SAMD5: variants seen among roughly 807,000 people sequenced by gnomAD.
SAMD5 encodes sterile alpha motif domain containing 5.
SAMD5 carries 13 observed loss-of-function variants against 11.3 expected under a neutral mutation model. The observed-to-expected ratio is 1.15, with a 90% CI of 0.75 to 1.83. The LOEUF (loss-of-function observed/expected upper bound fraction) is 1.83. Ranked by LOEUF, SAMD5 falls within the 40% of genes most tolerant of loss-of-function variation. The pLI is 0.00. For synonymous variants in SAMD5, 129 were observed against 111.3 expected (o/e 1.16, Z -1.00); for missense variants, 255 against 239.1 (o/e 1.07, Z -0.44).
chr6:147,702,960 G>A (rs1562355671), intron 1 of SAMD5, among the ~76,000 whole-genome samples: 1 of 152,092 alleles, frequency 6.6e-6, no homozygotes, highest in African/African-American at 2.4e-5. Context: ...ATTGAAGGTG[G>A]GGAACTCAGG....
the SAMD5 span, among the ~76,000 whole-genome samples, chr6:147,850,452 C>T: frequency 6.6e-6 from 1 of 152,140 alleles, no homozygotes; most frequent in Non-Finnish European, 1.5e-5. Context: ...GAACCCTTTA[C>T]TTATAGGAAG....
the SAMD5 span, among the ~76,000 whole-genome samples, chr6:147,759,672 G>C: frequency 6.6e-6 from 1 of 151,762 alleles, no homozygotes; most frequent in Non-Finnish European, 1.5e-5. Flanking sequence ...ATTTCTTAAA[G>C]TCTAGGTTCC....
chr6:147,858,489 A>G, the SAMD5 span, among the ~76,000 whole-genome samples: 1 of 152,202 alleles, frequency 6.6e-6, no homozygotes, highest in Non-Finnish European at 1.5e-5. Context: ...TTGATTTATG[A>G]GGTCCTTAGA....
chr6:147,835,885 C>T, the SAMD5 span, among the ~76,000 whole-genome samples: 1 of 152,174 alleles, frequency 6.6e-6, no homozygotes, highest in Non-Finnish European at 1.5e-5. Flanking sequence ...TGAGGCCTTT[C>T]GTCCCCATCA....
In SAMD5 at chr6:147,619,882, C is replaced by G. The variant is rs553338809; in HGVS notation, c.162+110495C>G. On this transcript the variant is annotated intron_variant, in intron 1 of 1. Transcript: ENST00000566741. ...TGAGAGTTCTCCAAGGCCCTGCTGG[C>G]TGTCCCTGATGGAGTCACTGCAGAG... is the stretch of plus-strand genomic sequence containing the variant. 5.9e-5 allele frequency among the ~76,000 whole-genome samples: 9 copies of G among 152,334 alleles called. No homozygotes were observed. The South Asian group carries it at 1.9e-3, about 32-fold the overall frequency.
intron 1 of SAMD5, among the ~76,000 whole-genome samples, chr6:147,684,885 T>C (rs76314792): frequency 0.12 from 17,520 of 152,224 alleles, 1,109 homozygotes; most frequent in Middle Eastern, 0.16. Flanking sequence ...ACTTCTCATA[T>C]TGTTGGTTAT....
chr6:147,626,631 T>G (rs1194447185), intron 1 of SAMD5, among the ~76,000 whole-genome samples: 1 of 151,202 alleles, frequency 6.6e-6, no homozygotes, highest in Non-Finnish European at 1.5e-5. Flanking sequence ...CTTTTGAATA[T>G]TAAAAAGAAC....
At chr6:147,891,950 G>T in the SAMD5 span, among the ~76,000 whole-genome samples, 1 of 152,140 alleles carries the variant, frequency 6.6e-6, no homozygotes, top group East Asian at 1.9e-4. Flanking sequence ...GGGATGGTTT[G>T]CTTAAGCAAG....
At chr6:147,887,613 A>G in the SAMD5 span, among the ~76,000 whole-genome samples, 1 of 152,204 alleles carries the variant, frequency 6.6e-6, no homozygotes, top group Non-Finnish European at 1.5e-5. Flanking sequence ...GTTTTTTACT[A>G]CAACAAATAG....
chr6:147,604,467 T>G (rs1789668289), intron 1 of SAMD5, among the ~76,000 whole-genome samples: 1 of 152,180 alleles, frequency 6.6e-6, no homozygotes, highest in African/African-American at 2.4e-5. Context: ...TGCTATGTAA[T>G]TACAAAATCA....
intron 1 of SAMD5, among the ~76,000 whole-genome samples, chr6:147,587,057 A>C (rs188080882): frequency 1.1e-3 from 164 of 152,180 alleles, no homozygotes; most frequent in Admixed American, 2.1e-3. Flanking sequence ...TGTTAGATTT[A>C]GTTTTGGGGT....
chr6:147,688,401 T>C (rs1791048537), intron 1 of SAMD5, among the ~76,000 whole-genome samples: 1 of 152,184 alleles, frequency 6.6e-6, no homozygotes, highest in Admixed American at 6.5e-5. Context: ...ATAGTTATCT[T>C]TATCCAAAAT....
intron 1 of SAMD5, among the ~76,000 whole-genome samples, chr6:147,611,514 G>C (rs1032470855): frequency 2.6e-5 from 4 of 151,344 alleles, no homozygotes; most frequent in Non-Finnish European, 4.4e-5. Context: ...AGTGAGCCGA[G>C]ATCACACCAC....
At chr6:147,808,385 G>A in the SAMD5 span, among the ~76,000 whole-genome samples, 239 of 152,132 alleles carry the variant, frequency 1.6e-3, 1 homozygote, top group African/African-American at 5.1e-3. Flanking sequence ...GTTATTTTTT[G>A]TAGAGATAGA....
At position 147,565,936 on chromosome 6, in the gene SAMD5, T is replaced by C. The variant is rs920385219; in HGVS notation, c.*1480T>C. ...ACGGAATCTACTACTTAGAAGAATG[T>C]ACAAGATGTAAGTTCCCATCGGCAC... is the stretch of plus-strand genomic sequence containing the variant. On this transcript the variant is annotated 3_prime_UTR_variant, in exon 2 of 2. Coordinates refer to ENST00000367474, the MANE Select transcript of SAMD5 (RefSeq NM_001030060.3). 2 of 985,218 alleles carry C rather than the reference T, an allele frequency of 2.0e-6. No homozygotes were observed. The highest frequency in any genetic ancestry group is 3.5e-5 in the African/African-American group (2 of 57,236). The allele number at this position is 985,218 out of a possible 1,614,324, so 61.0% of individuals were successfully genotyped here.
At chr6:147,913,279 G>T in the SAMD5 span, among the ~76,000 whole-genome samples, 1 of 152,150 alleles carries the variant, frequency 6.6e-6, no homozygotes, top group African/African-American at 2.4e-5. Flanking sequence ...CCTCAGTATC[G>T]GGCAGATAGG....
chr6:147,680,441 C>G (rs371831147), intron 1 of SAMD5, among the ~76,000 whole-genome samples: 1 of 152,088 alleles, frequency 6.6e-6, no homozygotes, highest in South Asian at 2.1e-4. Context: ...CTTTTACACA[C>G]CCATGGACAG....
intron 1 of SAMD5, among the ~76,000 whole-genome samples, chr6:147,666,234 G>A (rs1423132539): frequency 6.6e-6 from 1 of 152,162 alleles, no homozygotes; most frequent in African/African-American, 2.4e-5. Flanking sequence ...ACCGCACCCG[G>A]CCGTTTTTTA....
intron 1 of SAMD5, among the ~76,000 whole-genome samples, chr6:147,665,568 A>G (rs1790705587): frequency 1.3e-5 from 2 of 152,234 alleles, no homozygotes; most frequent in Non-Finnish European, 2.9e-5. Context: ...AATCAACTCC[A>G]TGGTCAAGAT....
Sources: gnomAD v4.1 joint callset for allele counts (sites outside exome capture counted in the v4.1 genomes callset) on GRCh38, gnomAD v4.1.1 for gene constraint, MANE v1.5 for transcripts, NCBI Gene and HGNC (gene_info 2026-07-23, HGNC 2026-07-21) for gene names.